NINL: variants seen among roughly 807,000 people sequenced by gnomAD.
NINL encodes the protein ninein like, also known as ninein-like protein.
A neutral mutation model predicts 160.3 loss-of-function variants in NINL; 153 were observed. That is an observed-to-expected ratio of 0.95 (90% CI 0.84 to 1.09). The LOEUF (loss-of-function observed/expected upper bound fraction) is 1.09, where lower values mean the gene tolerates loss of function less well. Among genes scored for constraint, NINL ranks in the 50% least tolerant of loss-of-function variants. NINL has a pLI of 0.00. For missense variants in NINL, 1,829 were observed against 1,764.0 expected, an observed-to-expected ratio of 1.04 and a Z score of -0.66; for synonymous variants, 800 against 734.8, an observed-to-expected ratio of 1.09 and a Z score of -1.43.
intron 12 of NINL, 40 bp downstream of exon 12, chr20:25,489,835 C>G (rs375961043): frequency 2.5e-5 from 40 of 1,574,518 alleles, no homozygotes; most frequent in Non-Finnish European, 3.5e-5. Flanking sequence ...GCCCAGCAGG[C>G]CCTCCCCTCT....
chr20:25,459,692 A>G (rs550073784), intron 21 of NINL, among the ~76,000 whole-genome samples: 24 of 152,064 alleles, frequency 1.6e-4, no homozygotes, highest in African/African-American at 5.8e-4. Flanking sequence ...CACCCCCCAC[A>G]GCCATCCTGG....
At position 25,475,131 on chromosome 20, in the gene NINL, C is replaced by T. The variant is rs540734826; in HGVS notation, c.3248+912G>A. Reference sequence around the variant, plus strand: ...ATTCCTGGTGGTGCACGCCTGTAATCCCAGCTACTCAGGAGGCTGAGGCAG... The same window carrying T: ...ATTCCTGGTGGTGCACGCCTGTAATTCCAGCTACTCAGGAGGCTGAGGCAG... On this transcript the variant is annotated intron_variant, in intron 17 of 23. Coordinates refer to ENST00000278886, the MANE Select transcript of NINL (RefSeq NM_025176.6). 5.3e-5 allele frequency among the ~76,000 whole-genome samples: 8 copies of T among 151,758 alleles called. No individual in the cohort carries two copies. In the East Asian group the frequency reaches 1.6e-3, roughly 30 times the overall value.
chr20:25,526,455 G>A lies in NINL; in HGVS notation c.133C>T (p.Leu45=). ...AGAAGCGTCTGCAGGAGGACGGGCAGCTGCTGCTCCAGGTGAAGCTTAAGG... is the reference window on the plus strand; with the variant it reads ...AGAAGCGTCTGCAGGAGGACGGGCAACTGCTGCTCCAGGTGAAGCTTAAGG... The part of the protein sequence containing the change: ...LCLKLHLEQQ[L]PVLLQTLLGN... The change falls in exon 2 of 24, where the codon CTG becomes TTG. Residue 45 remains leucine (L), a synonymous_variant. Coordinates refer to ENST00000278886, the MANE Select transcript of NINL (RefSeq NM_025176.6). 1 of 1,614,076 alleles carries A rather than the reference G, an allele frequency of 6.2e-7. No individual in the cohort carries two copies. The highest frequency in any genetic ancestry group is 8.5e-7 in the Non-Finnish European group (1 of 1,179,940).
chr20:25,540,559 C>A (rs1007010985), intron 1 of NINL, among the ~76,000 whole-genome samples: 8 of 152,178 alleles, frequency 5.3e-5, no homozygotes. Flanking sequence ...CTAGGTGTGC[C>A]AATCACCTAG....
intron 1 of NINL, among the ~76,000 whole-genome samples, chr20:25,539,698 G>A (rs2064629012): frequency 6.6e-6 from 1 of 152,160 alleles, no homozygotes; most frequent in South Asian, 2.1e-4. Context: ...CAATGCAAAT[G>A]ACAGAACACT....
chr20:25,535,188 C>G (rs1205446210), intron 1 of NINL, among the ~76,000 whole-genome samples: 2 of 152,134 alleles, frequency 1.3e-5, no homozygotes, highest in African/African-American at 4.8e-5. Context: ...CGCCACAGAC[C>G]TTACTCAGAT....
chr20:25,485,043 C>T (rs144020774), intron 13 of NINL, among the ~76,000 whole-genome samples: 29 of 152,202 alleles, frequency 1.9e-4, no homozygotes, highest in East Asian at 1.3e-3. Flanking sequence ...ACACACAAAA[C>T]GGGAACGTTG....
At chr20:25,489,047 C>T in intron 13 of NINL, 197 bp downstream of exon 13, 1 of 603,080 alleles carries the variant, frequency 1.7e-6, no homozygotes, top group Non-Finnish European at 3.0e-6. Flanking sequence ...CCTGGACACA[C>T]AGAGGCGGCC....
intron 1 of NINL, among the ~76,000 whole-genome samples, chr20:25,550,700 T>A (rs2064797274): frequency 6.6e-6 from 1 of 152,076 alleles, no homozygotes; most frequent in Non-Finnish European, 1.5e-5. Flanking sequence ...TTACAAAACA[T>A]CTCAGTGCAG....
intron 17 of NINL, among the ~76,000 whole-genome samples, chr20:25,470,741 T>A (rs1331735396): frequency 6.6e-6 from 1 of 152,060 alleles, no homozygotes; most frequent in East Asian, 1.9e-4. Flanking sequence ...GCATCTGTAA[T>A]CCCAGCTACT....
intron 3 of NINL, among the ~76,000 whole-genome samples, chr20:25,514,233 G>A (rs1256743937): frequency 1.3e-5 from 2 of 152,198 alleles, no homozygotes; most frequent in Non-Finnish European, 2.9e-5. Context: ...CACTTGCTAC[G>A]CTTTAGCAAA....
At chr20:25,534,245 C>T (rs2064519203) in intron 1 of NINL, among the ~76,000 whole-genome samples, 1 of 152,168 alleles carries the variant, frequency 6.6e-6, no homozygotes, top group African/African-American at 2.4e-5. Context: ...GCAGTCAGCT[C>T]CTCTCTTCCT....
chr20:25,540,217 GA>G, intron 1 of NINL, among the ~76,000 whole-genome samples: 1 of 152,248 alleles, frequency 6.6e-6, no homozygotes, highest in East Asian at 1.9e-4. Flanking sequence ...TTCATTTTTG[GA>G]AACTGGAATG....
intron 1 of NINL, among the ~76,000 whole-genome samples, chr20:25,528,315 G>A (rs904223529): frequency 2.0e-5 from 3 of 152,160 alleles, no homozygotes. Flanking sequence ...ATTACAAGGT[G>A]TAAGCCACTG....
intron 1 of NINL, among the ~76,000 whole-genome samples, chr20:25,583,795 T>C (rs1394672252): frequency 2.0e-5 from 3 of 152,078 alleles, no homozygotes; most frequent in African/African-American, 4.8e-5. Context: ...TACGTAGCCA[T>C]AAAAAAGAAT....
At chr20:25,576,340 T>C (rs1223720663) in intron 1 of NINL, among the ~76,000 whole-genome samples, 1 of 152,190 alleles carries the variant, frequency 6.6e-6, no homozygotes, top group East Asian at 1.9e-4. Flanking sequence ...GCACATCTCA[T>C]GGGGGGCACA....
rs183063120 is a variant in NINL at position 25,535,065 on chromosome 20, A to G, written c.-11-8467T>C. 2.6e-4 allele frequency among the ~76,000 whole-genome samples: 39 copies of G among 152,378 alleles called. 1 individual carries two copies. The highest frequency in any genetic ancestry group is 2.2e-3 in the Admixed American group (34 of 15,310). The stretch of plus-strand genomic sequence containing the variant: ...AAAGACTCACTGTACTTCTGTGTAC[A>G]ATGAAATATTATTACACCTCAAAAA... On this transcript the variant is annotated intron_variant, in intron 1 of 23. Transcript: ENST00000278886.
intron 19 of NINL, among the ~76,000 whole-genome samples, chr20:25,464,246 A>T (rs1006899553): frequency 6.6e-6 from 1 of 152,060 alleles, no homozygotes; most frequent in Non-Finnish European, 1.5e-5. Flanking sequence ...GCGAAACCCC[A>T]TCTCCACTAA....
At chr20:25,584,689 G>C (rs1161636140) in intron 1 of NINL, among the ~76,000 whole-genome samples, 1 of 152,106 alleles carries the variant, frequency 6.6e-6, no homozygotes, top group Non-Finnish European at 1.5e-5. Context: ...TCCAGGGCTT[G>C]GCCTAAGTCT....
Sources: gnomAD v4.1 joint callset for allele counts (sites outside exome capture counted in the v4.1 genomes callset) on GRCh38, gnomAD v4.1.1 for gene constraint, MANE v1.5 for transcripts, NCBI Gene and HGNC (gene_info 2026-07-23, HGNC 2026-07-21) for gene names.